Variants in ADAMTSL1 observed in about 807,000 individuals in gnomAD.
The protein encoded by ADAMTSL1 is ADAMTS-like protein 1.
A neutral mutation model predicts 201.8 loss-of-function variants in ADAMTSL1; 126 were observed. The ratio of observed to expected loss-of-function variants is 0.62; its 90% CI spans 0.54 to 0.72. The LOEUF (loss-of-function observed/expected upper bound fraction) is 0.72, where lower values mean the gene tolerates loss of function less well. Ranked by LOEUF, ADAMTSL1 falls within the 30% of genes least tolerant of loss-of-function variation. The pLI is 0.00. For synonymous variants in ADAMTSL1, 1,121 were observed against 903.4 expected (o/e 1.24, Z -4.32); for missense variants, 2,679 against 2,277.8 (o/e 1.18, Z -3.59).
At chr9:18,274,705 G>A (rs1448995493) in intron 2 of ADAMTSL1, among the ~76,000 whole-genome samples, 1 of 151,996 alleles carries the variant, frequency 6.6e-6, no homozygotes, top group Admixed American at 6.6e-5. Context: ...CTAGCATTAA[G>A]ACTAAAATAA....
At chr9:17,928,855 C>T (rs1221677266) in intron 1 of ADAMTSL1, among the ~76,000 whole-genome samples, 1 of 152,146 alleles carries the variant, frequency 6.6e-6, no homozygotes, top group Non-Finnish European at 1.5e-5. Flanking sequence ...GCACACATGG[C>T]ATGGTGTGTG....
At chr9:18,655,547 T>C (rs2132956858) in intron 7 of ADAMTSL1, among the ~76,000 whole-genome samples, 1 of 152,198 alleles carries the variant, frequency 6.6e-6, no homozygotes, top group African/African-American at 2.4e-5. Flanking sequence ...CCTCCTCACA[T>C]TGGCTGTAAG....
chr9:18,346,305 G>C (rs1211221084), intron 2 of ADAMTSL1, among the ~76,000 whole-genome samples: 1 of 139,844 alleles, frequency 7.2e-6, no homozygotes, highest in Non-Finnish European at 1.5e-5. Context: ...AGCTAGTTCA[G>C]CGTCACTATT....
chr9:18,459,277 C>G (rs1326312962), intron 2 of ADAMTSL1, among the ~76,000 whole-genome samples: 2 of 152,020 alleles, frequency 1.3e-5, no homozygotes, highest in Admixed American at 6.6e-5. Flanking sequence ...ATTATATCAT[C>G]CAGGAAATAA....
intron 1 of ADAMTSL1, among the ~76,000 whole-genome samples, chr9:17,974,778 T>G (rs545220952): frequency 5.4e-4 from 82 of 152,222 alleles, no homozygotes; most frequent in African/African-American, 1.9e-3. Flanking sequence ...AATGCACTCG[T>G]CTGTTGAACA....
At chr9:18,906,364 C>T (rs1008519565) in intron 27 of ADAMTSL1, among the ~76,000 whole-genome samples, 4 of 152,164 alleles carry the variant, frequency 2.6e-5, no homozygotes, top group Non-Finnish European at 5.9e-5. Flanking sequence ...CCCCCTGGGG[C>T]ACGGGGACTC....
intron 2 of ADAMTSL1, among the ~76,000 whole-genome samples, chr9:18,422,893 T>C (rs770234151): frequency 6.6e-6 from 1 of 152,194 alleles, no homozygotes; most frequent in Non-Finnish European, 1.5e-5. Context: ...GAGATAAACT[T>C]GCCCTCTAAC....
At chr9:18,799,333 T>C (rs1010980559) in intron 20 of ADAMTSL1, among the ~76,000 whole-genome samples, 7 of 152,142 alleles carry the variant, frequency 4.6e-5, no homozygotes, top group African/African-American at 7.2e-5. Context: ...AGCACAGAGA[T>C]TGGAGAATCA....
chr9:18,077,663 C>A (rs1823293001), intron 1 of ADAMTSL1, among the ~76,000 whole-genome samples: 1 of 152,058 alleles, frequency 6.6e-6, no homozygotes, highest in Non-Finnish European at 1.5e-5. Context: ...CAAGTAAATG[C>A]TACTTGTGTG....
At chr9:18,582,152 T>C (rs563057436) in intron 4 of ADAMTSL1, among the ~76,000 whole-genome samples, 1 of 152,342 alleles carries the variant, frequency 6.6e-6, no homozygotes, top group South Asian at 2.1e-4. Context: ...CCTAATTTCT[T>C]TAGCAAATGG....
At chr9:18,513,272 C>G (rs1818144432) in intron 2 of ADAMTSL1, among the ~76,000 whole-genome samples, 1 of 152,228 alleles carries the variant, frequency 6.6e-6, no homozygotes, top group South Asian at 2.1e-4. Context: ...TCTTGCATCA[C>G]TGAAACTAGA....
chr9:18,849,230 G>A (rs531263616), intron 23 of ADAMTSL1, among the ~76,000 whole-genome samples: 1 of 152,130 alleles, frequency 6.6e-6, no homozygotes, highest in Admixed American at 6.5e-5. Flanking sequence ...GACTTGGAAG[G>A]CCTCTTGAAT....
At chr9:18,647,066 A>T (rs916829373) in intron 7 of ADAMTSL1, among the ~76,000 whole-genome samples, 2 of 152,060 alleles carry the variant, frequency 1.3e-5, no homozygotes, top group Non-Finnish European at 2.9e-5. Flanking sequence ...ACAATTTCAG[A>T]TCCTGTTATT....
chr9:18,316,971 A>C (rs1247804036), intron 2 of ADAMTSL1, among the ~76,000 whole-genome samples: 1 of 152,202 alleles, frequency 6.6e-6, no homozygotes, highest in Non-Finnish European at 1.5e-5. Flanking sequence ...AGATATGGAA[A>C]TGACCTAAGT....
intron 16 of ADAMTSL1, among the ~76,000 whole-genome samples, chr9:18,764,906 A>G (rs770209838): frequency 9.2e-5 from 14 of 152,224 alleles, no homozygotes; most frequent in Non-Finnish European, 1.8e-4. Context: ...TGTGCCTTAA[A>G]TCAAGTCCTA....
intron 20 of ADAMTSL1, among the ~76,000 whole-genome samples, chr9:18,815,449 C>T (rs1823775783): frequency 6.6e-6 from 1 of 151,010 alleles, no homozygotes; most frequent in African/African-American, 2.4e-5. Flanking sequence ...CTTTGAGAGG[C>T]TGAGGTGGGT....
At chr9:18,037,154 C>G (rs954578152) in intron 1 of ADAMTSL1, among the ~76,000 whole-genome samples, 7 of 152,166 alleles carry the variant, frequency 4.6e-5, no homozygotes, top group African/African-American at 1.7e-4. Flanking sequence ...ACTCATGAAA[C>G]TTCAAGCTTC....
intron 1 of ADAMTSL1, among the ~76,000 whole-genome samples, chr9:17,956,002 A>C (rs2026766): frequency 0.26 from 39,489 of 152,072 alleles, 5,484 homozygotes; most frequent in Middle Eastern, 0.35. Flanking sequence ...TTCAAAGCAA[A>C]AAATAGTTTT....
At chr9:18,775,467 A>C (rs1223666847) in intron 17 of ADAMTSL1, among the ~76,000 whole-genome samples, 1 of 152,212 alleles carries the variant, frequency 6.6e-6, no homozygotes, top group Non-Finnish European at 1.5e-5. Context: ...GCTGGGATTT[A>C]AACACTCCAT....
Sources: gnomAD v4.1 joint callset for allele counts (sites outside exome capture counted in the v4.1 genomes callset) on GRCh38, gnomAD v4.1.1 for gene constraint, MANE v1.5 for transcripts, NCBI Gene and HGNC (gene_info 2026-07-23, HGNC 2026-07-21) for gene names.